COL4A2: variants seen among roughly 807,000 people sequenced by gnomAD.
The protein encoded by COL4A2 is collagen alpha-2(IV) chain.
Under a neutral mutation model 200.2 loss-of-function variants are expected in COL4A2, and 99 were observed. The ratio of observed to expected loss-of-function variants is 0.49; its 90% CI spans 0.42 to 0.58. The LOEUF (loss-of-function observed/expected upper bound fraction) is 0.58, where lower values mean the gene tolerates loss of function less well. Ranked by LOEUF, COL4A2 falls within the 20% of genes least tolerant of loss-of-function variation. COL4A2 has a pLI of 0.00. For missense variants in COL4A2, 1,950 were observed against 2,314.1 expected, an observed-to-expected ratio of 0.84 and a Z score of 3.23; for synonymous variants, 897 against 900.6, an observed-to-expected ratio of 1.00 and a Z score of 0.07.
intron 20 of COL4A2, chr13:110,456,588 G>A (rs749657257): frequency 2.7e-6 from 1 of 365,392 alleles, no homozygotes; most frequent in East Asian, 7.3e-5. Flanking sequence ...AACCCTGAAG[G>A]CTATCGCCAC....
chr13:110,355,114 G>A (rs1309707454), intron 3 of COL4A2, among the ~76,000 whole-genome samples: 1 of 152,270 alleles, frequency 6.6e-6, no homozygotes, highest in Non-Finnish European at 1.5e-5. Flanking sequence ...CTGTCATCTG[G>A]TAAGTTTTAC....
chr13:110,430,420 G>C lies in COL4A2; in HGVS notation c.569G>C (p.Gly190Ala). Residue 190 changes from glycine (G) to alanine (A), a missense_variant, in exon 9 of 48, where the codon GGA (glycine) becomes GCA (alanine). Gly to Ala is a moderately conservative substitution (Grantham distance 60). Transcript: ENST00000360467. The part of the protein sequence containing the change: ...DRYRGEPGEP[G>A]LVGFQGPPGR... ...CATTAGGGTGAACCTGGAGAGCCTG[G>C]ATTGGTCGGTTTCCAGGTAAGTTTA... The C allele has an allele frequency of 6.2e-7, 1 of 1,614,152 alleles. No individual in the cohort carries two copies. Among genetic ancestry groups the C allele is most frequent in the Non-Finnish European group, 8.5e-7 (1 of 1,180,034 alleles).
intron 20 of COL4A2, among the ~76,000 whole-genome samples, chr13:110,455,357 C>A (rs953285044): frequency 6.6e-6 from 1 of 152,178 alleles, no homozygotes; most frequent in Non-Finnish European, 1.5e-5. Flanking sequence ...CATTCCCTCC[C>A]GCTCCCCACT....
intron 40 of COL4A2, among the ~76,000 whole-genome samples, chr13:110,500,852 C>T (rs1883613119): frequency 6.6e-6 from 1 of 152,216 alleles, no homozygotes; most frequent in South Asian, 2.1e-4. Context: ...TGTGTTTCTC[C>T]ATAAGGGACT....
chr13:110,504,082 T>C, intron 44 of COL4A2, 66 bp from the exon 45 acceptor site: 1 of 1,584,734 alleles, frequency 6.3e-7, no homozygotes, highest in Non-Finnish European at 8.7e-7. Context: ...GTGTTCTCTT[T>C]GTGGATCGCC....
intron 29 of COL4A2, chr13:110,473,453 G>A (rs1882561127): frequency 5.6e-6 from 2 of 357,890 alleles, no homozygotes; most frequent in Admixed American, 4.4e-5. Flanking sequence ...CAGGCTCACT[G>A]TTTGTCTTGG....
chr13:110,487,267 C>G (rs1464506021), intron 34 of COL4A2, among the ~76,000 whole-genome samples: 1 of 152,232 alleles, frequency 6.6e-6, no homozygotes, highest in Non-Finnish European at 1.5e-5. Flanking sequence ...GCCTGGCCAA[C>G]AGGGTGAAAC....
rs1882411423 is a variant in COL4A2 at position 110,470,123 on chromosome 13, C to G, written c.2203+799C>G. ...AGAGACGGGGATTTCACCATGTTGG[C>G]CAGGCTGGTCTCAAACTCCTGACAT... On this transcript the variant is annotated intron_variant, in intron 28 of 47. Coordinates refer to ENST00000360467, the MANE Select transcript of COL4A2 (RefSeq NM_001846.4). Among the ~76,000 whole-genome samples, 3 of 152,016 alleles carry G rather than the reference C, an allele frequency of 2.0e-5. No individual in the cohort carries two copies. In the South Asian group the frequency reaches 6.2e-4, roughly 32 times the overall value.
chr13:110,420,476 G>GAGA (rs10689075), intron 4 of COL4A2, among the ~76,000 whole-genome samples: 131,965 of 151,802 alleles, frequency 0.87, 57,552 homozygotes, highest in Non-Finnish European at 0.9. Context: ...CCTGGCTTCT[G>GAGA]AGTACTTTGT....
intron 3 of COL4A2, among the ~76,000 whole-genome samples, chr13:110,309,388 G>A (rs1477444046): frequency 1.3e-5 from 2 of 152,154 alleles, no homozygotes; most frequent in African/African-American, 2.4e-5. Context: ...ATTTGAACTA[G>A]CCCAGTGACC....
intron 4 of COL4A2, among the ~76,000 whole-genome samples, chr13:110,372,805 G>A (rs1014705363): frequency 6.6e-6 from 1 of 152,206 alleles, no homozygotes; most frequent in Non-Finnish European, 1.5e-5. Context: ...AATTGCAGGT[G>A]TTTCCTATGC....
At chr13:110,330,967 C>T (rs911492910) in intron 3 of COL4A2, among the ~76,000 whole-genome samples, 3 of 152,100 alleles carry the variant, frequency 2.0e-5, no homozygotes, top group South Asian at 4.2e-4. Flanking sequence ...TACCCGATCT[C>T]GCCGTGCCAT....
At chr13:110,364,785 C>T (rs1877671897) in intron 4 of COL4A2, among the ~76,000 whole-genome samples, 1 of 152,160 alleles carries the variant, frequency 6.6e-6, no homozygotes, top group Non-Finnish European at 1.5e-5. Flanking sequence ...CAGATCCTCC[C>T]TCTACCCCTG....
At chr13:110,433,650 C>T (rs1442036413) in intron 11 of COL4A2, among the ~76,000 whole-genome samples, 1 of 152,234 alleles carries the variant, frequency 6.6e-6, no homozygotes, top group Non-Finnish European at 1.5e-5. Context: ...GCTTATGTGA[C>T]CCCGCTGTCA....
intron 16 of COL4A2, among the ~76,000 whole-genome samples, chr13:110,443,928 G>A (rs912331626): frequency 3.3e-5 from 5 of 152,152 alleles, no homozygotes; most frequent in Admixed American, 2.0e-4. Flanking sequence ...TAGGGTTCCC[G>A]CCTATCTGGG....
chr13:110,466,189 T>C (rs1008762278), intron 26 of COL4A2, 127 bp downstream of exon 26: 22 of 1,130,788 alleles, frequency 1.9e-5, no homozygotes, highest in African/African-American at 1.4e-4. Context: ...TTGATTTCCA[T>C]GGCACAACAT....
intron 4 of COL4A2, among the ~76,000 whole-genome samples, chr13:110,359,920 G>A (rs1194810855): frequency 4.6e-5 from 7 of 152,128 alleles, no homozygotes; most frequent in South Asian, 2.1e-4. Flanking sequence ...TTTTTGTTTC[G>A]GTTAAGCATT....
chr13:110,395,589 C>T (rs1879155449), intron 4 of COL4A2, among the ~76,000 whole-genome samples: 1 of 152,166 alleles, frequency 6.6e-6, no homozygotes. Flanking sequence ...CTGGATATAA[C>T]ATTTTGTTTC....
intron 4 of COL4A2, among the ~76,000 whole-genome samples, chr13:110,370,069 A>C (rs528443968): frequency 2.0e-5 from 3 of 152,190 alleles, no homozygotes; most frequent in East Asian, 3.9e-4. Context: ...TGCCTGATCA[A>C]CGTGGAGTGA....
Sources: gnomAD v4.1 joint callset for allele counts (sites outside exome capture counted in the v4.1 genomes callset) on GRCh38, gnomAD v4.1.1 for gene constraint, MANE v1.5 for transcripts, NCBI Gene and HGNC (gene_info 2026-07-23, HGNC 2026-07-21) for gene names.